The following CEP128 variants were observed in gnomAD, a reference collection of about 807,000 sequenced individuals.
The protein encoded by CEP128 is centrosomal protein 128kDa.
Under a neutral mutation model 156.7 loss-of-function variants are expected in CEP128, and 132 were observed. The observed-to-expected ratio is 0.84, with a 90% confidence interval of 0.73 to 0.97. The LOEUF (loss-of-function observed/expected upper bound fraction) is 0.97, where lower values mean the gene tolerates loss of function less well. Among genes scored for constraint, CEP128 ranks in the 50% least tolerant of loss-of-function variants. The probability of loss-of-function intolerance (pLI) is 0.00; values close to 1 mark genes in which losing one functional copy is unlikely to be tolerated. For missense variants in CEP128, 1,252 were observed against 1,281.9 expected (o/e 0.98, Z 0.36); for synonymous variants, 469 against 448.9 (o/e 1.04, Z -0.57).
chr14:80,553,751 A>G (rs77675769), intron 21 of CEP128, among the ~76,000 whole-genome samples: 1,848 of 152,308 alleles, frequency 0.012, 34 homozygotes, highest in African/African-American at 0.042. Flanking sequence ...TTGGAGGTAG[A>G]AGTAAAATAT....
intron 20 of CEP128, 55 bp downstream of exon 20, chr14:80,580,318 AG>A (rs1330450347): frequency 3.3e-5 from 36 of 1,105,826 alleles, no homozygotes; most frequent in Middle Eastern, 2.7e-4. Flanking sequence ...AAAGGATAAA[AG>A]AGTAAAAAAC....
chr14:80,536,353 T>C (rs1889483875), intron 21 of CEP128, among the ~76,000 whole-genome samples: 1 of 152,192 alleles, frequency 6.6e-6, no homozygotes, highest in South Asian at 2.1e-4. Flanking sequence ...GTTATTGAAA[T>C]CATATGTGTT....
intron 21 of CEP128, among the ~76,000 whole-genome samples, chr14:80,542,586 A>G (rs1889812933): frequency 6.6e-6 from 1 of 152,200 alleles, no homozygotes; most frequent in African/African-American, 2.4e-5. Flanking sequence ...GGACCTAATG[A>G]CATGGCATAG....
chr14:80,900,660 C>T (rs1471521417), intron 6 of CEP128, among the ~76,000 whole-genome samples: 1 of 152,052 alleles, frequency 6.6e-6, no homozygotes, highest in Admixed American at 6.5e-5. Context: ...TGGTATATTC[C>T]TCCACCGGAG....
At chr14:80,861,967 AATG>A (rs891561773) in intron 9 of CEP128, among the ~76,000 whole-genome samples, 1 of 152,180 alleles carries the variant, frequency 6.6e-6, no homozygotes, top group African/African-American at 2.4e-5. Flanking sequence ...ATCTAGAATA[AATG>A]ATGAAGCAAG....
chr14:80,486,229 C>A (rs1241828624), downstream of CEP128, among the ~76,000 whole-genome samples: 1 of 152,082 alleles, frequency 6.6e-6, no homozygotes, highest in Non-Finnish European at 1.5e-5. Flanking sequence ...AATGCAGAAG[C>A]CTCAGGAGCC....
intron 19 of CEP128, among the ~76,000 whole-genome samples, chr14:80,633,252 A>C (rs973968449): frequency 1.0e-5 from 1 of 99,536 alleles, no homozygotes; most frequent in Admixed American, 1.1e-4. Context: ...AACAAACAAA[A>C]ACAAAACAAA....
At position 80,608,126 on chromosome 14, in the gene CEP128, A is replaced by C. The variant is rs575945698; in HGVS notation, c.2807-27703T>G. On this transcript the variant is annotated intron_variant, in intron 19 of 24. Coordinates refer to ENST00000555265, the MANE Select transcript of CEP128 (RefSeq NM_152446.5). The stretch of plus-strand genomic sequence containing the variant: ...ATCAGAAAGGACTTCCTTGATCTAA[A>C]ACGATGTAAAGTCAGCACCAGCACC... Among the ~76,000 whole-genome samples, 7 of 152,302 alleles carry C rather than the reference A, an allele frequency of 4.6e-5. No homozygotes were observed. In the South Asian group the frequency reaches 1.5e-3, roughly 32 times the overall value.
At chr14:80,891,327 A>G (rs527912342) in intron 8 of CEP128, among the ~76,000 whole-genome samples, 1 of 152,234 alleles carries the variant, frequency 6.6e-6, no homozygotes, top group East Asian at 1.9e-4. Flanking sequence ...CAGAAGAATA[A>G]ATAAAGAAAA....
intron 24 of CEP128, among the ~76,000 whole-genome samples, chr14:80,501,091 T>C (rs1347351307): frequency 6.6e-6 from 1 of 152,204 alleles, no homozygotes; most frequent in Non-Finnish European, 1.5e-5. Context: ...GTTTGTTTCC[T>C]GCAAATTTTC....
chr14:80,489,830 C>G (rs191845616), downstream of CEP128, among the ~76,000 whole-genome samples: 196 of 151,732 alleles, frequency 1.3e-3, no homozygotes, highest in Non-Finnish European at 2.1e-3. Context: ...CACTTACCAC[C>G]TCCTGACCAG....
chr14:80,482,979 C>T (rs1282077641), intron 14 of CEP128, among the ~76,000 whole-genome samples: 2 of 152,148 alleles, frequency 1.3e-5, no homozygotes, highest in Admixed American at 1.3e-4. Flanking sequence ...AAACCACAAT[C>T]GGCTTGTACA....
chr14:80,514,306 G>A (rs1888391050), intron 23 of CEP128, among the ~76,000 whole-genome samples: 1 of 152,070 alleles, frequency 6.6e-6, no homozygotes, highest in Admixed American at 6.5e-5. Flanking sequence ...ATGGGCCACA[G>A]CCACTCATAT....
At chr14:80,753,013 T>G (rs917093378) in intron 18 of CEP128, among the ~76,000 whole-genome samples, 14 of 152,272 alleles carry the variant, frequency 9.2e-5, no homozygotes, top group African/African-American at 3.4e-4. Flanking sequence ...ACCCATCTAA[T>G]CTCCAAGTTT....
At chr14:80,840,049 G>A (rs1180543662) in intron 10 of CEP128, among the ~76,000 whole-genome samples, 1 of 152,120 alleles carries the variant, frequency 6.6e-6, no homozygotes, top group African/African-American at 2.4e-5. Context: ...ATAAAATAAA[G>A]GAGGCAATGG....
chr14:80,505,593 C>T (rs111419972), intron 23 of CEP128, among the ~76,000 whole-genome samples: 4,102 of 152,162 alleles, frequency 0.027, 80 homozygotes, highest in Middle Eastern at 0.092. Context: ...AGATTATATT[C>T]GTCTTCTCAC....
intron 19 of CEP128, among the ~76,000 whole-genome samples, chr14:80,709,662 TC>T (rs1471694890): frequency 6.6e-6 from 1 of 152,192 alleles, no homozygotes; most frequent in Non-Finnish European, 1.5e-5. Context: ...GTTTGAGTCT[TC>T]CTATTCAAGG....
At chr14:80,933,937 C>T (rs143671294) in intron 2 of CEP128, among the ~76,000 whole-genome samples, 1 of 152,190 alleles carries the variant, frequency 6.6e-6, no homozygotes, top group Non-Finnish European at 1.5e-5. Context: ...GGGAAATAAG[C>T]CTTAGATTGC....
intron 19 of CEP128, among the ~76,000 whole-genome samples, chr14:80,606,601 G>C (rs1014268547): frequency 1.3e-5 from 2 of 152,042 alleles, no homozygotes; most frequent in Non-Finnish European, 2.9e-5. Context: ...AGAAAGGAAA[G>C]GAAAATGCTC....
Sources: allele counts gnomAD v4.1 joint callset (sites outside exome capture counted in the v4.1 genomes callset), GRCh38; gene constraint gnomAD v4.1.1; transcripts MANE v1.5; gene names NCBI Gene and HGNC (gene_info 2026-07-23, HGNC 2026-07-21).